The following TBC1D2 variants were observed in gnomAD, a reference collection of about 807,000 sequenced individuals.
TBC1D2 encodes the protein TBC1 domain family member 2A.
A neutral mutation model predicts 91.1 loss-of-function variants in TBC1D2; 58 were observed. The observed-to-expected ratio is 0.64, with a 90% CI of 0.52 to 0.79. TBC1D2 has a LOEUF of 0.79. Ranked by LOEUF, TBC1D2 falls within the 30% of genes least tolerant of loss-of-function variation. The pLI, the probability that TBC1D2 is intolerant of heterozygous loss-of-function variation, is 0.00. For synonymous variants in TBC1D2, 482 were observed against 511.5 expected, an observed-to-expected ratio of 0.94 and a Z score of 0.78; for missense variants, 1,080 against 1,208.3, an observed-to-expected ratio of 0.89 and a Z score of 1.57.
At chr9:98,240,965 C>T (rs1044738245) in intron 3 of TBC1D2, among the ~76,000 whole-genome samples, 1 of 152,140 alleles carries the variant, frequency 6.6e-6, no homozygotes, top group Non-Finnish European at 1.5e-5. Context: ...ATCCTAAAGA[C>T]TTGTTCTGAA....
chr9:98,252,446 T>C (rs1052330773), intron 1 of TBC1D2, among the ~76,000 whole-genome samples: 2 of 152,222 alleles, frequency 1.3e-5, no homozygotes, highest in African/African-American at 4.8e-5. Context: ...GAAAGCCACA[T>C]GCACATGTGA....
At chr9:98,237,767 G>T (rs186289368) in intron 3 of TBC1D2, among the ~76,000 whole-genome samples, 122 of 151,948 alleles carry the variant, frequency 8.0e-4, no homozygotes, top group African/African-American at 2.9e-3. Context: ...CCAGGATCTT[G>T]AATTTTAGGT....
At chr9:98,215,854 C>T (rs1828956913) in intron 6 of TBC1D2, among the ~76,000 whole-genome samples, 1 of 152,188 alleles carries the variant, frequency 6.6e-6, no homozygotes, top group African/African-American at 2.4e-5. Flanking sequence ...CTGCCGGGCA[C>T]CATCTGAGCT....
chr9:98,234,475 C>T (rs980649967), intron 3 of TBC1D2, among the ~76,000 whole-genome samples: 5 of 152,154 alleles, frequency 3.3e-5, no homozygotes, highest in Non-Finnish European at 5.9e-5. Context: ...CAGTGTATTT[C>T]GAACTGAAAG....
intron 6 of TBC1D2, among the ~76,000 whole-genome samples, chr9:98,215,354 C>A (rs748549964): frequency 6.6e-6 from 1 of 152,160 alleles, no homozygotes; most frequent in Non-Finnish European, 1.5e-5. Context: ...ACCAACACCA[C>A]GCAGCATATA....
At chr9:98,204,733 G>T (rs976815243) in intron 9 of TBC1D2, among the ~76,000 whole-genome samples, 3 of 152,216 alleles carry the variant, frequency 2.0e-5, no homozygotes, top group Admixed American at 6.5e-5. Context: ...CTAAGTCGAA[G>T]CTGAGTGGAT....
At chr9:98,237,517 T>C (rs1303384227) in intron 3 of TBC1D2, among the ~76,000 whole-genome samples, 1 of 151,838 alleles carries the variant, frequency 6.6e-6, no homozygotes, top group Admixed American at 6.6e-5. Flanking sequence ...TTTTTTCTTT[T>C]TTTTTTTGAG....
At chr9:98,204,970 C>A (rs1268214502) in intron 9 of TBC1D2, among the ~76,000 whole-genome samples, 3 of 152,244 alleles carry the variant, frequency 2.0e-5, no homozygotes, top group Non-Finnish European at 2.9e-5. Flanking sequence ...TACTCTTTCC[C>A]ACTGAGTCTG....
chr9:98,233,775 A>C (rs192834178), intron 3 of TBC1D2, among the ~76,000 whole-genome samples: 2 of 152,202 alleles, frequency 1.3e-5, no homozygotes, highest in Non-Finnish European at 2.9e-5. Flanking sequence ...TATGTGGCTT[A>C]TAAGTAATAC....
Position 98,255,577 on chromosome 9 carries a change from C to T in TBC1D2, c.-36G>A. 6.8e-7 allele frequency: 1 copy of T among 1,471,132 alleles called. No individual in the cohort carries two copies. The highest frequency in any genetic ancestry group is 9.0e-7 in the Non-Finnish European group (1 of 1,115,442). The allele number at this position is 1,471,132 out of a possible 1,614,324, so 91.1% of individuals were successfully genotyped here. ...CGGAGACTGCGGAGGGACGAGGGGT[C>T]CGCGGGACCACCAGGGACAAATCTC... On this transcript the variant is annotated 5_prime_UTR_variant, in exon 1 of 13. Transcript: ENST00000465784.
intron 7 of TBC1D2, 32 bp from the exon 8 acceptor site, chr9:98,210,875 G>T: frequency 3.9e-6 from 6 of 1,537,148 alleles, no homozygotes; most frequent in Non-Finnish European, 4.4e-6. Flanking sequence ...TCAGGCTACC[G>T]GGTGGGAGCT....
rs35946860 is a variant in TBC1D2, at chr9:98,212,506, C to CTT, written c.1485+600_1485+601dup. Among the ~76,000 whole-genome samples, 246 of 146,262 alleles carry CTT rather than the reference C, an allele frequency of 1.7e-3. 2 individuals are homozygous for CTT. Among genetic ancestry groups the CTT allele is most frequent in the Middle Eastern group, 3.5e-3 (1 of 288 alleles). On this transcript the variant is annotated intron_variant, in intron 7 of 12. Coordinates refer to ENST00000465784, the MANE Select transcript of TBC1D2 (RefSeq NM_001267571.2). Reference sequence around the variant, plus strand: ...AAGAATCCCACAAGTCCAAGTGCATCTTTTTTTTTTTTTGAGACAGAGTCT... The same window carrying CTT: ...AAGAATCCCACAAGTCCAAGTGCATCTTTTTTTTTTTTTTTGAGACAGAGTCT...
At chr9:98,221,363 ACACT>A in intron 5 of TBC1D2, 135 bp from the exon 6 acceptor site, 1 of 1,115,464 alleles carries the variant, frequency 9.0e-7, no homozygotes, top group Non-Finnish European at 1.2e-6. Flanking sequence ...TCTCATCCTG[ACACT>A]CACTTTCTCC....
intron 1 of TBC1D2, among the ~76,000 whole-genome samples, chr9:98,254,216 T>C (rs1829928501): frequency 6.6e-6 from 1 of 152,186 alleles, no homozygotes; most frequent in African/African-American, 2.4e-5. Context: ...GGCACATTCT[T>C]CTCTGATGCC....
intron 5 of TBC1D2, among the ~76,000 whole-genome samples, chr9:98,223,525 T>A (rs923545854): frequency 3.9e-5 from 6 of 152,216 alleles, no homozygotes; most frequent in Non-Finnish European, 5.9e-5. Flanking sequence ...ATTTTCTGCT[T>A]CAGCTGAGAT....
intron 7 of TBC1D2, among the ~76,000 whole-genome samples, 182 bp from the exon 8 acceptor site, chr9:98,211,025 A>G (rs939306874): frequency 2.0e-5 from 3 of 152,236 alleles, no homozygotes; most frequent in African/African-American, 7.2e-5. Context: ...ACAGCAAGGC[A>G]GGCAAGAGAG....
chr9:98,225,923 C>T (rs1829222686), intron 5 of TBC1D2, among the ~76,000 whole-genome samples: 1 of 152,228 alleles, frequency 6.6e-6, no homozygotes, highest in African/African-American at 2.4e-5. Flanking sequence ...CCCAAATTCC[C>T]ATGTCCTCCT....
intron 3 of TBC1D2, among the ~76,000 whole-genome samples, chr9:98,242,803 C>CTTTTTGTTTTTTTT (rs1829675293): frequency 1.2e-5 from 1 of 83,174 alleles, no homozygotes; most frequent in African/African-American, 5.3e-5. Context: ...ACACTGCTGC[C>CTTTTTGTTTTTTTT]TTTTTTTTTT....
At chr9:98,250,986 C>T (rs186353793) in intron 2 of TBC1D2, among the ~76,000 whole-genome samples, 14 of 152,100 alleles carry the variant, frequency 9.2e-5, no homozygotes, top group African/African-American at 3.4e-4. Context: ...GGAACACCAG[C>T]GATAAAAATA....
Sources: gnomAD v4.1 joint callset for allele counts (sites outside exome capture counted in the v4.1 genomes callset) on GRCh38, gnomAD v4.1.1 for gene constraint, MANE v1.5 for transcripts, NCBI Gene and HGNC (gene_info 2026-07-23, HGNC 2026-07-21) for gene names.